SYK: variants seen among roughly 807,000 people sequenced by gnomAD.
SYK encodes tyrosine-protein kinase SYK.
Under a neutral mutation model 77.8 loss-of-function variants are expected in SYK, and 16 were observed. The ratio of observed to expected loss-of-function variants is 0.21; its 90% confidence interval spans 0.14 to 0.31. The LOEUF is 0.31. Among genes scored for constraint, SYK ranks in the 10% least tolerant of loss-of-function variants. SYK has a pLI of 1.00. For synonymous variants in SYK, 312 were observed against 308.7 expected, an observed-to-expected ratio of 1.01 and a Z score of -0.11; for missense variants, 529 against 814.4, an observed-to-expected ratio of 0.65 and a Z score of 4.26.
At chr9:90,841,938 AGTGTGTGTG>A (rs1171165667) in intron 1 of SYK, among the ~76,000 whole-genome samples, 1 of 128,934 alleles carries the variant, frequency 7.8e-6, no homozygotes, top group Admixed American at 7.6e-5. Flanking sequence ...TGGTGTGTGT[AGTGTGTGTG>A]GTGTGTGTAG....
At position 90,895,910 on chromosome 9, in the gene SYK, C is replaced by T. The variant is rs1041096071; in HGVS notation, c.*310C>T. 2.6e-6 allele frequency: 1 copy of T among 383,760 alleles called. No homozygotes were observed. Among genetic ancestry groups the T allele is most frequent in the East Asian group, 4.1e-5 (1 of 24,146 alleles). 23.8% of individuals were successfully genotyped at this position (383,760 alleles called of 1,614,324 possible). On this transcript the variant is annotated 3_prime_UTR_variant, in exon 14 of 14. Coordinates refer to ENST00000375754, the MANE Select transcript of SYK (RefSeq NM_003177.7). The surrounding 1 kb of genome is among the most constrained non-coding windows in gnomAD (Gnocchi z 4.4). Reference sequence around the variant, plus strand: ...TCCAAATCCCTTTCATGTCTTTCCACTTCTCTGGGTCCCGGGGTGCATTTG... The same window carrying T: ...TCCAAATCCCTTTCATGTCTTTCCATTTCTCTGGGTCCCGGGGTGCATTTG...
chr9:90,849,903 C>T (rs1224760199), intron 3 of SYK, among the ~76,000 whole-genome samples: 7 of 152,252 alleles, frequency 4.6e-5, no homozygotes, highest in African/African-American at 1.7e-4. Flanking sequence ...TGCTTGGCAC[C>T]GAACGAAGCA....
At chr9:90,866,724 C>CA (rs1353817284) in intron 6 of SYK, among the ~76,000 whole-genome samples, 5 of 152,168 alleles carry the variant, frequency 3.3e-5, no homozygotes, top group African/African-American at 7.2e-5. Flanking sequence ...GTGTACAACT[C>CA]AATTAATTTC....
intron 9 of SYK, among the ~76,000 whole-genome samples, chr9:90,875,965 A>G (rs1026900655): frequency 1.3e-5 from 2 of 152,304 alleles, no homozygotes; most frequent in African/African-American, 4.8e-5. Flanking sequence ...CAAGGGTTAA[A>G]AATATAGACA....
chr9:90,812,775 G>GTC, intron 1 of SYK, among the ~76,000 whole-genome samples: 4 of 89,896 alleles, frequency 4.4e-5, no homozygotes, highest in African/African-American at 1.3e-4. Context: ...GTGTGTGTGT[G>GTC]TGTGAGAGAG....
chr9:90,802,733 T>C (rs1280228903), intron 1 of SYK, among the ~76,000 whole-genome samples: 2 of 149,780 alleles, frequency 1.3e-5, no homozygotes, highest in East Asian at 1.9e-4. Flanking sequence ...GAAACAGTGT[T>C]GCAAAATATT....
intron 7 of SYK, among the ~76,000 whole-genome samples, chr9:90,868,160 C>T (rs1330168199): frequency 6.6e-6 from 1 of 152,070 alleles, no homozygotes; most frequent in Non-Finnish European, 1.5e-5. Context: ...ATCGTGTTGA[C>T]CACAGAACAG....
intron 1 of SYK, 70 bp from the exon 2 acceptor site, chr9:90,843,788 G>C (rs1270169331): frequency 8.1e-7 from 1 of 1,238,992 alleles, no homozygotes; most frequent in Non-Finnish European, 1.1e-6. Context: ...GAAAGGGTTT[G>C]AGTGGTTTTA....
At chr9:90,859,037 A>C (rs1022509455) in intron 3 of SYK, among the ~76,000 whole-genome samples, 12 of 152,312 alleles carry the variant, frequency 7.9e-5, no homozygotes, top group Admixed American at 3.3e-4. Context: ...GTTGCTCTCT[A>C]TTTCCTCCTG....
intron 11 of SYK, among the ~76,000 whole-genome samples, chr9:90,883,984 T>G (rs371358198): frequency 1.2e-4 from 19 of 152,184 alleles, no homozygotes; most frequent in African/African-American, 4.6e-4. Context: ...TAGCATCCTA[T>G]TCACAGTACA....
intron 1 of SYK, among the ~76,000 whole-genome samples, chr9:90,814,002 C>A (rs1158154233): frequency 6.6e-6 from 1 of 152,148 alleles, no homozygotes; most frequent in Non-Finnish European, 1.5e-5. Flanking sequence ...TTTAAAATGT[C>A]CAGTTAGAGA....
At chr9:90,823,587 G>C (rs765085204) in intron 1 of SYK, among the ~76,000 whole-genome samples, 4 of 152,100 alleles carry the variant, frequency 2.6e-5, no homozygotes, top group Non-Finnish European at 5.9e-5. Flanking sequence ...ACAACAAAAA[G>C]ATGGAGGTTT....
At position 90,887,861 on chromosome 9, in the gene SYK, C is replaced by G; in HGVS notation, c.1694C>G (p.Ala565Gly). The G allele has an allele frequency of 4.3e-6, 7 of 1,612,042 alleles. No individual in the cohort carries two copies. The highest frequency in any genetic ancestry group is 5.9e-6 in the Non-Finnish European group (7 of 1,178,996). ...VWSFGVLMWEAFSYGQKPYRG... is the reference protein window; with the variant it reads ...VWSFGVLMWEGFSYGQKPYRG... ...AGCTTTGGAGTGTTGATGTGGGAAG[C>G]ATTCTCCTATGGGCAGAAGCCATAT... The change falls in exon 12 of 14, where the codon GCA (alanine) becomes GGA (glycine). Residue 565 changes from alanine to glycine, a missense_variant. Around this residue, in one of 2 missense-constraint regions of SYK, gnomAD observed 208 missense variants for 381.3 expected, o/e 0.55. Coordinates refer to ENST00000375754, the MANE Select transcript of SYK (RefSeq NM_003177.7).
chr9:90,888,523 A>G lies in SYK; in HGVS notation c.1731A>G (p.Lys577=). Residue 577 remains lysine, a synonymous_variant, in exon 13 of 14, where the codon AAA becomes AAG. Coordinates refer to ENST00000375754, the MANE Select transcript of SYK (RefSeq NM_003177.7). The part of the protein sequence containing the change: ...SYGQKPYRGM[K]GSEVTAMLEK... ...TATCTTGCATGTTGTAGGGGATGAA[A>G]GGAAGTGAAGTCACCGCTATGTTAG... 1 of 1,606,624 alleles carries G rather than the reference A, an allele frequency of 6.2e-7. No homozygotes were observed. Among genetic ancestry groups the G allele is most frequent in the African/African-American group, 1.3e-5 (1 of 74,540 alleles).
In SYK at chr9:90,874,090, G is replaced by A. The variant is rs111447991; in HGVS notation, c.916-114G>A. On this transcript the variant is annotated intron_variant, in intron 7 of 13. Coordinates refer to ENST00000375754, the MANE Select transcript of SYK (RefSeq NM_003177.7). Reference sequence around the variant, plus strand: ...CCTGTTTTTCGTAATTCTTTCCTTTGTCTTTCCTGCAAAAGTTAAACTGTG... The same window carrying A: ...CCTGTTTTTCGTAATTCTTTCCTTTATCTTTCCTGCAAAAGTTAAACTGTG... 1.6e-4 allele frequency: 140 copies of A among 856,332 alleles called. 1 individual carries two copies. The African/African-American group carries it at 2.0e-3, about 12-fold the overall frequency. The allele number at this position is 856,332 out of a possible 1,614,324, so 53.0% of individuals were successfully genotyped here. A position where few individuals can be genotyped will look rare whatever the true frequency, so the allele number is the denominator to read the frequency against.
chr9:90,880,913 C>CCT (rs1828126248), intron 11 of SYK, among the ~76,000 whole-genome samples: 1 of 152,246 alleles, frequency 6.6e-6, no homozygotes, highest in Non-Finnish European at 1.5e-5. Flanking sequence ...CTGCACATGG[C>CCT]CTCTCCTTGG....
chr9:90,843,154 C>CTATG (rs1331495656), intron 1 of SYK, among the ~76,000 whole-genome samples: 7 of 152,116 alleles, frequency 4.6e-5, no homozygotes, highest in Non-Finnish European at 8.8e-5. Flanking sequence ...AGAAGACAGC[C>CTATG]TATGGGCCCC....
At chr9:90,857,413 C>T (rs1481186575) in intron 3 of SYK, among the ~76,000 whole-genome samples, 2 of 152,118 alleles carry the variant, frequency 1.3e-5, no homozygotes, top group East Asian at 1.9e-4. Flanking sequence ...AGACAAGATG[C>T]GTTAAATAAT....
intron 1 of SYK, among the ~76,000 whole-genome samples, chr9:90,807,800 T>C (rs1006846042): frequency 2.0e-5 from 3 of 152,198 alleles, no homozygotes; most frequent in African/African-American, 7.2e-5. Flanking sequence ...AAGCCCTTCT[T>C]AACCTCCACC....
Sources: gnomAD v4.1 joint callset for allele counts (sites outside exome capture counted in the v4.1 genomes callset) on GRCh38, gnomAD v4.1.1 for gene constraint, gnomAD v4.1.1 regional missense constraint, Gnocchi (gnomAD v3.1) non-coding constraint, MANE v1.5 for transcripts, NCBI Gene and HGNC (gene_info 2026-07-23, HGNC 2026-07-21) for gene names.